Variants in KMT2C observed in about 807,000 individuals in gnomAD.
KMT2C encodes histone-lysine N-methyltransferase 2C.
Under a neutral mutation model 507.9 loss-of-function variants are expected in KMT2C, and 88 were observed. The observed-to-expected ratio is 0.17, with a 90% CI of 0.15 to 0.21. KMT2C has a LOEUF of 0.21. Among genes scored for constraint, KMT2C ranks in the 10% least tolerant of loss-of-function variants. KMT2C has a pLI of 1.00. For missense variants in KMT2C, 4,954 were observed against 5,957.8 expected (o/e 0.83, Z 5.55); for synonymous variants, 2,049 against 2,080.8 (o/e 0.98, Z 0.42).
intron 4 of KMT2C, 82 bp from the exon 5 acceptor site, chr7:152,312,028 G>A: frequency 1.9e-6 from 2 of 1,071,832 alleles, no homozygotes; most frequent in Non-Finnish European, 2.6e-6. Context: ...GCAATGTACT[G>A]CCAAATCAAT....
At chr7:152,270,681 C>T (rs887468447) in intron 7 of KMT2C, among the ~76,000 whole-genome samples, 2 of 152,064 alleles carry the variant, frequency 1.3e-5, no homozygotes, top group Non-Finnish European at 2.9e-5. Context: ...TGGCTTTGTG[C>T]CATTCAGTTT....
intron 6 of KMT2C, among the ~76,000 whole-genome samples, 165 bp from the exon 7 acceptor site, chr7:152,274,032 C>A (rs2096027981): frequency 6.6e-6 from 1 of 152,118 alleles, no homozygotes; most frequent in Admixed American, 6.5e-5. Context: ...ATCTACATTA[C>A]TCAATTTAGC....
chr7:152,368,538 AT>A, intron 1 of KMT2C: 1 of 1,367,694 alleles, frequency 7.3e-7, no homozygotes, highest in South Asian at 1.2e-5. Flanking sequence ...AGCACAAAGA[AT>A]TAGAGGAAAA....
intron 12 of KMT2C, among the ~76,000 whole-genome samples, chr7:152,250,300 A>C (rs547038242): frequency 5.9e-5 from 9 of 152,304 alleles, no homozygotes; most frequent in Non-Finnish European, 1.0e-4. Context: ...TATACTATAT[A>C]ATTGAACATA....
chr7:152,164,383 G>A (rs1204703858), intron 42 of KMT2C, among the ~76,000 whole-genome samples: 1 of 150,164 alleles, frequency 6.7e-6, no homozygotes, highest in South Asian at 2.1e-4. Context: ...TCCGCCTCCC[G>A]GGTTCACGCC....
chr7:152,355,925 C>G (rs191505566), intron 2 of KMT2C, among the ~76,000 whole-genome samples: 8 of 152,116 alleles, frequency 5.3e-5, no homozygotes, highest in African/African-American at 1.9e-4. Context: ...TTCTGCAGCA[C>G]CCCCCTTATG....
chr7:152,308,081 C>G (rs1373789348), intron 6 of KMT2C, among the ~76,000 whole-genome samples: 1 of 152,208 alleles, frequency 6.6e-6, no homozygotes, highest in African/African-American at 2.4e-5. Context: ...ATGCATTAAA[C>G]TGTTCAAAAT....
At position 152,136,441 on chromosome 7, in the gene KMT2C, G is replaced by C. The variant is rs2089879009; in HGVS notation, c.*391C>G. The C allele has an allele frequency of 4.0e-6, 1 of 248,930 alleles. No individual in the cohort carries two copies. Among genetic ancestry groups the C allele is most frequent in the Non-Finnish European group, 7.8e-6 (1 of 128,294 alleles). The allele number at this position is 248,930 out of a possible 1,614,324, so 15.4% of individuals were successfully genotyped here. On this transcript the variant is annotated 3_prime_UTR_variant, in exon 59 of 59. Transcript: ENST00000262189. ...GTCTTACATTCATAGGAAGGCCCCTGCCCGGGGCAGGGCAGCCATCGGCTC... is the reference window on the plus strand; with the variant it reads ...GTCTTACATTCATAGGAAGGCCCCTCCCCGGGGCAGGGCAGCCATCGGCTC...
intron 33 of KMT2C, 43 bp from the exon 34 acceptor site, chr7:152,185,674 C>T (rs1398927328): frequency 4.3e-6 from 6 of 1,385,594 alleles, no homozygotes; most frequent in Admixed American, 1.7e-5. Context: ...CAGAGCCATG[C>T]TAATGATGTG....
At position 152,182,981 on chromosome 7, in the gene KMT2C, A is replaced by C; in HGVS notation, c.5258T>G (p.Phe1753Cys). 1 of 1,583,294 alleles carries C rather than the reference A, an allele frequency of 6.3e-7. No individual in the cohort carries two copies. The highest frequency in any genetic ancestry group is 1.4e-5 in the African/African-American group (1 of 73,114). Residue 1753 changes from phenylalanine to cysteine, a missense_variant, in exon 35 of 59, where the codon TTT becomes TGT. By Grantham distance (205) the Phe-to-Cys change is radical. Transcript: ENST00000262189. ...TATCCAAAAATTCCATACCTGTCTA[A>C]ATTTCCATTCCTGTTCATGTTCTGA... The part of the protein sequence containing the change: ...RESEHEQEWK[F>C]RQQMRQKSKQ...
chr7:152,221,768 A>G (rs2094779394), intron 22 of KMT2C, among the ~76,000 whole-genome samples: 1 of 152,212 alleles, frequency 6.6e-6, no homozygotes, highest in South Asian at 2.1e-4. Context: ...TATGGCATTA[A>G]TGGTTATTCT....
chr7:152,218,055 C>G (rs916758551), intron 23 of KMT2C, among the ~76,000 whole-genome samples: 16 of 152,314 alleles, frequency 1.1e-4, no homozygotes, highest in African/African-American at 4.8e-5. Context: ...TCAATTGTAT[C>G]TGAAAATCAG....
At chr7:152,226,222 T>C (rs1284080582) in intron 18 of KMT2C, among the ~76,000 whole-genome samples, 1 of 129,138 alleles carries the variant, frequency 7.7e-6, no homozygotes, top group South Asian at 2.7e-4. Context: ...ACAAGGCCTT[T>C]TTTTTTTTTT....
rs1375392601 is a variant in KMT2C, at chr7:152,139,056, A to G, written c.14534+130T>C. 7 of 1,013,590 alleles carry G rather than the reference A, an allele frequency of 6.9e-6. No homozygotes were observed. The African/African-American group carries it at 9.6e-5, about 14-fold the overall frequency. The allele number at this position is 1,013,590 out of a possible 1,614,324, so 62.8% of individuals were successfully genotyped here. A position where few individuals can be genotyped will look rare whatever the true frequency, so the allele number is the denominator to read the frequency against. Reference sequence around the variant, plus strand: ...TATAACATTTAAATAAAAATTCTCAACTCATTTGCTCTGAATGTTTAGTCA... The same window carrying G: ...TATAACATTTAAATAAAAATTCTCAGCTCATTTGCTCTGAATGTTTAGTCA... On this transcript the variant is annotated intron_variant, in intron 57 of 58. Transcript: ENST00000262189.
chr7:152,355,573 A>AC (rs543968723), intron 2 of KMT2C, among the ~76,000 whole-genome samples: 292 of 152,162 alleles, frequency 1.9e-3, no homozygotes, highest in African/African-American at 6.6e-3. Flanking sequence ...AAACAAACAA[A>AC]AAAAAACCAA....
intron 39 of KMT2C, among the ~76,000 whole-genome samples, chr7:152,172,896 T>C (rs1462770194): frequency 6.6e-6 from 1 of 152,210 alleles, no homozygotes; most frequent in Non-Finnish European, 1.5e-5. Flanking sequence ...AATTTGTTAA[T>C]ACTTTAAGGA....
At position 152,136,422 on chromosome 7, in the gene KMT2C, C is replaced by G. The variant is rs1318065432; in HGVS notation, c.*410G>C. 7 of 239,876 alleles carry G rather than the reference C, an allele frequency of 2.9e-5. No individual in the cohort carries two copies. The highest frequency in any genetic ancestry group is 5.7e-5 in the Non-Finnish European group (7 of 122,478). 14.9% of individuals were successfully genotyped at this position (239,876 alleles called of 1,614,324 possible). A position where few individuals can be genotyped will look rare whatever the true frequency, so the allele number is the denominator to read the frequency against. On this transcript the variant is annotated 3_prime_UTR_variant, in exon 59 of 59. Coordinates refer to ENST00000262189, the MANE Select transcript of KMT2C (RefSeq NM_170606.3). ...CCCCTCGCTGGTGATTTCAGTCTTA[C>G]ATTCATAGGAAGGCCCCTGCCCGGG...
chr7:152,159,262 G>A (rs1234417316), intron 43 of KMT2C, among the ~76,000 whole-genome samples, 190 bp from the exon 44 acceptor site: 2 of 152,310 alleles, frequency 1.3e-5, no homozygotes, highest in African/African-American at 2.4e-5. Flanking sequence ...TTATTCTCGA[G>A]TATGGAAATC....
intron 52 of KMT2C, among the ~76,000 whole-genome samples, chr7:152,147,091 C>T (rs2091173523): frequency 6.6e-6 from 1 of 152,024 alleles, no homozygotes; most frequent in Non-Finnish European, 1.5e-5. Flanking sequence ...TGTTCCTTTC[C>T]CCTCAGATTT....
Sources: gnomAD v4.1 joint callset for allele counts (sites outside exome capture counted in the v4.1 genomes callset) on GRCh38, gnomAD v4.1.1 for gene constraint, MANE v1.5 for transcripts, NCBI Gene and HGNC (gene_info 2026-07-23, HGNC 2026-07-21) for gene names.